ADARB2: variants seen among roughly 807,000 people sequenced by gnomAD.
The protein encoded by ADARB2 is inactive double-stranded RNA-specific editase B2.
A neutral mutation model predicts 62.2 loss-of-function variants in ADARB2; 25 were observed. That is an observed-to-expected ratio of 0.40 (90% CI 0.29 to 0.56). The LOEUF is 0.56. ADARB2 is among the 20% of genes least tolerant of loss of function. The probability of loss-of-function intolerance (pLI) is 0.43; values close to 1 mark genes in which losing one functional copy is unlikely to be tolerated. For missense variants in ADARB2, 1,071 were observed against 1,077.4 expected (o/e 0.99, Z 0.08); for synonymous variants, 572 against 500.8 (o/e 1.14, Z -1.90).
intron 5 of ADARB2, among the ~76,000 whole-genome samples, chr10:1,236,280 T>C (rs1342585201): frequency 2.4e-4 from 5 of 20,694 alleles, no homozygotes; most frequent in East Asian, 3.6e-3. Context: ...TTTACTCCCC[T>C]CTGCCTCCCG....
intron 6 of ADARB2, among the ~76,000 whole-genome samples, chr10:1,229,240 C>T (rs1456918876): frequency 6.6e-6 from 1 of 152,188 alleles, no homozygotes; most frequent in Admixed American, 6.5e-5. Flanking sequence ...ATTTCTCGAG[C>T]CACATGCATC....
intron 1 of ADARB2, among the ~76,000 whole-genome samples, chr10:1,506,231 A>C (rs1446055100): frequency 6.6e-6 from 1 of 152,186 alleles, no homozygotes; most frequent in Non-Finnish European, 1.5e-5. Flanking sequence ...GAATTTGTTT[A>C]TAAAAGTTTG....
intron 1 of ADARB2, among the ~76,000 whole-genome samples, chr10:1,550,385 A>G (rs1370951340): frequency 6.6e-6 from 1 of 152,250 alleles, no homozygotes; most frequent in African/African-American, 2.4e-5. Flanking sequence ...TTTCTGAGAA[A>G]GCTCATTCTT....
intron 1 of ADARB2, among the ~76,000 whole-genome samples, chr10:1,549,609 C>T (rs11250613): frequency 1.3e-5 from 2 of 151,756 alleles, no homozygotes; most frequent in African/African-American, 2.4e-5. Context: ...AAGAGGCGAA[C>T]GCAATGCAGA....
chr10:1,275,871 G>A (rs1831311664), intron 3 of ADARB2, among the ~76,000 whole-genome samples: 1 of 151,984 alleles, frequency 6.6e-6, no homozygotes, highest in Admixed American at 6.6e-5. Context: ...ATTCCATGGT[G>A]TATATGTGCC....
chr10:1,571,213 C>G (rs1245329442), intron 1 of ADARB2, among the ~76,000 whole-genome samples: 1 of 152,082 alleles, frequency 6.6e-6, no homozygotes, highest in Non-Finnish European at 1.5e-5. Flanking sequence ...AAAGGAGACA[C>G]ACACTTTACT....
chr10:1,257,791 G>A (rs1294635354), intron 4 of ADARB2, among the ~76,000 whole-genome samples: 1 of 152,188 alleles, frequency 6.6e-6, no homozygotes, highest in Non-Finnish European at 1.5e-5. Flanking sequence ...TTCCTCCAGT[G>A]TTTCCGCAGG....
chr10:1,649,685 G>A (rs1834086992), intron 1 of ADARB2, among the ~76,000 whole-genome samples: 1 of 152,202 alleles, frequency 6.6e-6, no homozygotes. Flanking sequence ...ATATGCCCCT[G>A]GGCCAGCCAG....
At chr10:1,272,362 T>G (rs769224904) in intron 3 of ADARB2, among the ~76,000 whole-genome samples, 2 of 152,192 alleles carry the variant, frequency 1.3e-5, no homozygotes, top group Non-Finnish European at 2.9e-5. Context: ...TTAATAACGC[T>G]AAGAAAGATA....
intron 4 of ADARB2, among the ~76,000 whole-genome samples, chr10:1,262,969 A>G (rs1412410828): frequency 6.6e-6 from 1 of 152,080 alleles, no homozygotes; most frequent in Non-Finnish European, 1.5e-5. Flanking sequence ...TGATAAGTCT[A>G]TGTCCTTTGT....
At chr10:1,272,180 C>T (rs1035662986) in intron 3 of ADARB2, among the ~76,000 whole-genome samples, 1 of 152,182 alleles carries the variant, frequency 6.6e-6, no homozygotes, top group Non-Finnish European at 1.5e-5. Flanking sequence ...ATCATCTCAT[C>T]CAGGAGGCAG....
At chr10:1,420,731 C>T (rs974649735) in intron 1 of ADARB2, among the ~76,000 whole-genome samples, 1 of 152,024 alleles carries the variant, frequency 6.6e-6, no homozygotes, top group Admixed American at 6.6e-5. Context: ...ACAGGCTCTG[C>T]ACCCAGGGCA....
At chr10:1,462,758 TGTGTGTGCATGTGTTTATGTGTGCAC>T (rs1406000628) in intron 1 of ADARB2, among the ~76,000 whole-genome samples, 3 of 151,124 alleles carry the variant, frequency 2.0e-5, no homozygotes, top group Non-Finnish European at 4.4e-5. Context: ...TATGTATGCA[TGTGTGTGCATGTGTTTATGTGTGCAC>T]GTGTGTGCAT....
At chr10:1,577,195 G>A (rs3892198) in intron 1 of ADARB2, among the ~76,000 whole-genome samples, 4,719 of 125,464 alleles carry the variant, frequency 0.038, 195 homozygotes, top group South Asian at 0.082. Context: ...ATACCCTCAT[G>A]CACACAGGTG....
chr10:1,639,401 C>T (rs910077863), intron 1 of ADARB2, among the ~76,000 whole-genome samples: 50 of 152,356 alleles, frequency 3.3e-4, no homozygotes, highest in Middle Eastern at 6.8e-3. Flanking sequence ...GACCAAGAAA[C>T]GCCACCAGCT....
intron 1 of ADARB2, among the ~76,000 whole-genome samples, chr10:1,696,278 GTA>G (rs55917003): frequency 0.092 from 14,044 of 152,092 alleles, 789 homozygotes; most frequent in African/African-American, 0.16. Context: ...CTGTTTGTGT[GTA>G]TGCACGTGTG....
intron 4 of ADARB2, among the ~76,000 whole-genome samples, chr10:1,250,160 C>T (rs1010176008): frequency 6.6e-6 from 1 of 151,366 alleles, no homozygotes; most frequent in African/African-American, 2.4e-5. Context: ...AACAGGATTC[C>T]CAAAGAAACA....
At chr10:1,464,632 C>T (rs56097905) in intron 1 of ADARB2, among the ~76,000 whole-genome samples, 35 of 67,834 alleles carry the variant, frequency 5.2e-4, no homozygotes, top group African/African-American at 1.5e-3. Flanking sequence ...GCAGTCACAG[C>T]GGGCAGCACG....
intron 1 of ADARB2, among the ~76,000 whole-genome samples, chr10:1,604,004 T>C (rs1389903838): frequency 6.6e-6 from 1 of 151,958 alleles, no homozygotes; most frequent in Non-Finnish European, 1.5e-5. Flanking sequence ...GGGGTTTCAC[T>C]ATGTTGGCCA....
Sources: gnomAD v4.1 joint callset for allele counts (sites outside exome capture counted in the v4.1 genomes callset) on GRCh38, gnomAD v4.1.1 for gene constraint, MANE v1.5 for transcripts, NCBI Gene and HGNC (gene_info 2026-07-23, HGNC 2026-07-21) for gene names.